The following CLPB variants were observed in gnomAD, a reference collection of about 807,000 sequenced individuals.
The protein encoded by CLPB is ClpB family mitochondrial disaggregase, also known as mitochondrial disaggregase.
In CLPB, 40 loss-of-function variants were observed where a neutral mutation model predicts 78.4. That is an observed-to-expected ratio of 0.51 (90% CI 0.40 to 0.66). The LOEUF (loss-of-function observed/expected upper bound fraction) is 0.66, where lower values mean the gene tolerates loss of function less well. CLPB is among the 30% of genes least tolerant of loss of function. The pLI is 0.00. For synonymous variants in CLPB, 333 were observed against 348.0 expected, an observed-to-expected ratio of 0.96 and a Z score of 0.48; for missense variants, 780 against 886.9, an observed-to-expected ratio of 0.88 and a Z score of 1.53.
Position 72,329,800 on chromosome 11 carries a change from G to A in CLPB, c.780C>T (p.Ala260=), listed in dbSNP as rs1950192046. 1 of 1,613,060 alleles carries A rather than the reference G, an allele frequency of 6.2e-7. No individual in the cohort carries two copies. The highest frequency in any genetic ancestry group is 1.1e-5 in the South Asian group (1 of 91,024). Reference sequence around the variant, plus strand: ...CCATTTCATTCCTCTGCAGGGGGTTGGCTCCTGGCAAGAGAAGAAGGATAA... The same window carrying A: ...CCATTTCATTCCTCTGCAGGGGGTTAGCTCCTGGCAAGAGAAGAAGGATAA... ...RTVKELLDGG[A]NPLQRNEMGH... Residue 260 remains alanine (A), a synonymous_variant, in exon 6 of 16, where the codon GCC becomes GCT. Transcript: ENST00000538039.
At chr11:72,408,032 A>T (rs1355694848) in intron 2 of CLPB, 1 of 1,044,752 alleles carries the variant, frequency 9.6e-7, no homozygotes, top group Non-Finnish European at 1.4e-6. Context: ...GAGGATCACA[A>T]TCCTCCCAGT....
chr11:72,409,742 C>T (rs1487801475), intron 2 of CLPB, among the ~76,000 whole-genome samples: 2 of 152,244 alleles, frequency 1.3e-5, no homozygotes, highest in Non-Finnish European at 2.9e-5. Flanking sequence ...CTTTGGAAGA[C>T]GGAGGCGGGT....
chr11:72,343,890 T>C (rs941479047), intron 5 of CLPB, among the ~76,000 whole-genome samples: 2 of 152,154 alleles, frequency 1.3e-5, no homozygotes, highest in African/African-American at 4.8e-5. Flanking sequence ...GAACAGTAAT[T>C]GGCACTCAGT....
chr11:72,434,530 A>G lies in CLPB; in HGVS notation c.-56T>C, dbSNP rs1312613124. 52 of 1,505,484 alleles carry G rather than the reference A, an allele frequency of 3.5e-5. No individual in the cohort carries two copies. Among genetic ancestry groups the G allele is most frequent in the Non-Finnish European group, 4.5e-5 (51 of 1,127,728 alleles). The allele number at this position is 1,505,484 out of a possible 1,614,324, so 93.3% of individuals were successfully genotyped here. On this transcript the variant is annotated 5_prime_UTR_variant, in exon 1 of 16. Transcript: ENST00000538039. ...CCGGCCCCTGTGCTGACCACGTCCA[A>G]CATGGCTGCCGCGGCGCGTTCGAAG...
rs1590802539 is a variant in CLPB at position 72,329,700 on chromosome 11, G to A, written c.873+7C>T. On this transcript the variant is annotated splice_region_variant and intron_variant, in intron 6 of 15. Coordinates refer to ENST00000538039, the MANE Select transcript of CLPB (RefSeq NM_001258392.3). ...CCCACAGGCCTCCTCCCTTCCCTGA[G>A]ACTTACCTTGGCTTCAGAAGTCCTC... 1 of 1,607,026 alleles carries A rather than the reference G, an allele frequency of 6.2e-7. No individual in the cohort carries two copies. Among genetic ancestry groups the A allele is most frequent in the Non-Finnish European group, 8.5e-7 (1 of 1,173,772 alleles).
chr11:72,302,520 A>C, intron 9 of CLPB, 172 bp from the exon 10 acceptor site: 1 of 627,520 alleles, frequency 1.6e-6, no homozygotes, highest in Non-Finnish European at 2.9e-6. Context: ...TTTTCTGTGC[A>C]CTCATTTCCT....
At chr11:72,355,002 G>A (rs907100054) in intron 5 of CLPB, 1 of 152,208 alleles carries the variant, frequency 6.6e-6, no homozygotes, top group Non-Finnish European at 1.5e-5. Flanking sequence ...GCCTCTCAGG[G>A]TCAGTGACAG....
At chr11:72,383,758 A>G (rs1188576743) in intron 3 of CLPB, among the ~76,000 whole-genome samples, 2 of 152,162 alleles carry the variant, frequency 1.3e-5, no homozygotes, top group Non-Finnish European at 2.9e-5. Flanking sequence ...AAATCAAGGA[A>G]AGATAAAGAC....
chr11:72,314,986 G>C (rs1949915986), intron 7 of CLPB, among the ~76,000 whole-genome samples: 1 of 152,178 alleles, frequency 6.6e-6, no homozygotes, highest in African/African-American at 2.4e-5. Flanking sequence ...ACTCCAACTG[G>C]TGAGAACTGA....
At chr11:72,414,616 T>C (rs922840990) in intron 2 of CLPB, among the ~76,000 whole-genome samples, 1 of 152,226 alleles carries the variant, frequency 6.6e-6, no homozygotes, top group African/African-American at 2.4e-5. Flanking sequence ...AGCCTCTGTG[T>C]TGGGCATTGA....
chr11:72,362,030 T>C (rs1325249139), intron 4 of CLPB, among the ~76,000 whole-genome samples: 2 of 152,192 alleles, frequency 1.3e-5, no homozygotes, highest in African/African-American at 2.4e-5. Context: ...TAATAAGGAA[T>C]GTCCAGAGGA....
intron 5 of CLPB, among the ~76,000 whole-genome samples, chr11:72,342,340 A>G (rs1025870985): frequency 6.6e-6 from 1 of 152,246 alleles, no homozygotes; most frequent in African/African-American, 2.4e-5. Context: ...AGCAAAAGCA[A>G]AAACTCCTGC....
At chr11:72,308,101 G>C (rs144022189) in intron 8 of CLPB, among the ~76,000 whole-genome samples, 171 of 152,304 alleles carry the variant, frequency 1.1e-3, no homozygotes, top group African/African-American at 3.8e-3. Flanking sequence ...AACCAATTTT[G>C]CTATCCACCT....
chr11:72,410,329 T>G (rs562086703), intron 2 of CLPB, among the ~76,000 whole-genome samples: 1 of 152,302 alleles, frequency 6.6e-6, no homozygotes, highest in African/African-American at 2.4e-5. Flanking sequence ...AACTGCTTCC[T>G]TCATTTACAT....
chr11:72,383,755 G>A (rs1854991085), intron 3 of CLPB, among the ~76,000 whole-genome samples: 1 of 151,856 alleles, frequency 6.6e-6, no homozygotes, highest in Non-Finnish European at 1.5e-5. Context: ...CAGAAATCAA[G>A]GAAAGATAAA....
chr11:72,434,013 T>C, intron 1 of CLPB, 59 bp downstream of exon 1: 2 of 1,570,448 alleles, frequency 1.3e-6, no homozygotes, highest in Admixed American at 1.7e-5. Context: ...CCTCCTAAGA[T>C]ACGAAGTTAG....
intron 2 of CLPB, chr11:72,429,215 A>C (rs938059333): frequency 6.6e-6 from 1 of 152,200 alleles, no homozygotes; most frequent in Admixed American, 6.5e-5. Context: ...TGTTTATTAA[A>C]CTATTGCTCC....
chr11:72,292,558 T>TA lies in CLPB; in HGVS notation c.*808dup, dbSNP rs1166532551. On this transcript the variant is annotated 3_prime_UTR_variant, in exon 16 of 16. Transcript: ENST00000538039. Reference sequence around the variant, plus strand: ...AGGTCAAACCCATGATCTCTCTTCCTACAGCTTCCTAATGTCTGCGATGTT... The same window carrying TA: ...AGGTCAAACCCATGATCTCTCTTCCTAACAGCTTCCTAATGTCTGCGATGTT... The TA allele has an allele frequency of 1.3e-5, 2 of 152,384 alleles. No individual in the cohort carries two copies. The highest frequency in any genetic ancestry group is 2.9e-5 in the Non-Finnish European group (2 of 68,150). 9.4% of individuals were successfully genotyped at this position (152,384 alleles called of 1,614,324 possible).
intron 4 of CLPB, chr11:72,372,939 C>G: frequency 6.2e-7 from 1 of 1,614,014 alleles, no homozygotes; most frequent in Non-Finnish European, 8.5e-7. Flanking sequence ...AGCGGGGAGT[C>G]CTAGCCATCT....
Sources: allele counts gnomAD v4.1 joint callset (sites outside exome capture counted in the v4.1 genomes callset), GRCh38; gene constraint gnomAD v4.1.1; transcripts MANE v1.5; gene names NCBI Gene and HGNC (gene_info 2026-07-23, HGNC 2026-07-21).